The following GALK2 variants were observed in gnomAD, a reference collection of about 807,000 sequenced individuals.
GALK2 encodes galactokinase 2, also known as N-acetylgalactosamine kinase.
In GALK2, 36 loss-of-function variants were observed where a neutral mutation model predicts 52.4. The ratio of observed to expected loss-of-function variants is 0.69; its 90% CI spans 0.53 to 0.91. GALK2 has a LOEUF of 0.91. Among genes scored for constraint, GALK2 ranks in the 40% least tolerant of loss-of-function variants. GALK2 has a pLI of 0.00. For synonymous variants in GALK2, 176 were observed against 199.1 expected, an observed-to-expected ratio of 0.88 and a Z score of 0.98; for missense variants, 579 against 559.1, an observed-to-expected ratio of 1.04 and a Z score of -0.36.
chr15:49,209,027 CT>C (rs2088572038), intron 2 of GALK2, among the ~76,000 whole-genome samples: 1 of 152,138 alleles, frequency 6.6e-6, no homozygotes, highest in Non-Finnish European at 1.5e-5. Context: ...TACCCCTTTA[CT>C]TTAAGTTTAT....
At chr15:49,169,897 AAAAC>A (rs58492114), upstream of GALK2, 242 of 157,978 alleles carry the variant, frequency 1.5e-3, 5 homozygotes, top group South Asian at 0.027. Context: ...CCATAACTAA[AAAAC>A]AAACAAACAA....
At chr15:49,260,318 C>T (rs1348989426) in intron 5 of GALK2, among the ~76,000 whole-genome samples, 12 of 152,006 alleles carry the variant, frequency 7.9e-5, no homozygotes, top group Non-Finnish European at 1.3e-4. Flanking sequence ...GATTTGCATT[C>T]CTCTGATGGC....
At chr15:49,335,410 T>C (rs16962331), downstream of GALK2, 19,145 of 1,569,466 alleles carry the variant, frequency 0.012, 475 homozygotes, top group East Asian at 0.062. Flanking sequence ...TAGTATAGCA[T>C]CAACTTACAT....
intron 3 of GALK2, among the ~76,000 whole-genome samples, chr15:49,361,931 A>T (rs1333440495): frequency 6.6e-6 from 1 of 152,088 alleles, no homozygotes; most frequent in Non-Finnish European, 1.5e-5. Flanking sequence ...TTTCCATAGT[A>T]GCCATTCTAA....
At chr15:49,305,698 G>C (rs2035490037) in intron 8 of GALK2, among the ~76,000 whole-genome samples, 1 of 152,166 alleles carries the variant, frequency 6.6e-6, no homozygotes, top group South Asian at 2.1e-4. Flanking sequence ...AGCCTAAAAA[G>C]GGAAGGGGGA....
intron 2 of GALK2, among the ~76,000 whole-genome samples, chr15:49,213,188 T>C (rs2089070303): frequency 6.6e-6 from 1 of 152,218 alleles, no homozygotes; most frequent in African/African-American, 2.4e-5. Context: ...TGGGTGCACA[T>C]ATATTTACAA....
chr15:49,299,758 T>TCTTTC (rs2034888343), intron 8 of GALK2, among the ~76,000 whole-genome samples: 3 of 141,100 alleles, frequency 2.1e-5, no homozygotes, highest in African/African-American at 8.3e-5. Context: ...TTTCTTTCTT[T>TCTTTC]CTTTCTTTCT....
chr15:49,156,589 G>T, intron 1 of GALK2: 1 of 518,896 alleles, frequency 1.9e-6, no homozygotes, highest in East Asian at 4.9e-5. Flanking sequence ...CACGTCAGGA[G>T]CCAAAGAAAT....
At chr15:49,214,331 A>C (rs1185846055) in intron 2 of GALK2, among the ~76,000 whole-genome samples, 9 of 122,586 alleles carry the variant, frequency 7.3e-5, no homozygotes, top group African/African-American at 2.0e-4. Context: ...TCACTTTGTC[A>C]CTTTTTTTTT....
At chr15:49,327,930 AT>A in intron 9 of GALK2, 21 bp from the exon 10 acceptor site, 13 of 1,595,568 alleles carry the variant, frequency 8.1e-6, no homozygotes, top group South Asian at 1.1e-5. Flanking sequence ...AGGTTCTAAT[AT>A]TTTTTTCCTC....
chr15:49,323,354 G>A (rs1567063606), intron 9 of GALK2, among the ~76,000 whole-genome samples: 1 of 152,148 alleles, frequency 6.6e-6, no homozygotes, highest in Non-Finnish European at 1.5e-5. Flanking sequence ...AACATCAGTA[G>A]GGAAGGTGTG....
chr15:49,367,110 A>G (rs909844965), intron 3 of GALK2, among the ~76,000 whole-genome samples: 4 of 152,248 alleles, frequency 2.6e-5, no homozygotes, highest in African/African-American at 9.6e-5. Context: ...GAAGGCTAGA[A>G]GCCCATGCCT....
chr15:49,356,360 A>G (rs1253030187), intron 3 of GALK2, among the ~76,000 whole-genome samples: 3 of 150,542 alleles, frequency 2.0e-5, no homozygotes, highest in Non-Finnish European at 4.5e-5. Flanking sequence ...AGAGACACAC[A>G]TAGGCTCAAA....
chr15:49,354,957 G>C (rs1160040608), intron 3 of GALK2, among the ~76,000 whole-genome samples: 1 of 151,890 alleles, frequency 6.6e-6, no homozygotes, highest in Non-Finnish European at 1.5e-5. Flanking sequence ...GCCTAACTGG[G>C]AGGCACCCCC....
At chr15:49,186,542 C>CTTT (rs71299506) in intron 1 of GALK2, among the ~76,000 whole-genome samples, 10 of 131,096 alleles carry the variant, frequency 7.6e-5, no homozygotes, top group South Asian at 2.4e-4. Flanking sequence ...GAATTTTTTT[C>CTTT]TTTTTTTTTT....
At chr15:49,250,027 A>G (rs1260682572) in intron 5 of GALK2, among the ~76,000 whole-genome samples, 1 of 152,204 alleles carries the variant, frequency 6.6e-6, no homozygotes, top group Non-Finnish European at 1.5e-5. Context: ...AACCGGACAT[A>G]GCAGTAGGGT....
intron 3 of GALK2, among the ~76,000 whole-genome samples, chr15:49,228,509 G>T (rs2090268171): frequency 6.7e-6 from 1 of 148,914 alleles, no homozygotes; most frequent in Non-Finnish European, 1.5e-5. Context: ...GTTTATTGTT[G>T]AGGCTTTCAA....
At chr15:49,173,384 T>C (rs563533) in intron 1 of GALK2, among the ~76,000 whole-genome samples, 50,441 of 152,094 alleles carry the variant, frequency 0.33, 9,070 homozygotes, top group East Asian at 0.58. Flanking sequence ...GAACACATTC[T>C]TGAGTCTCTA....
At chr15:49,299,718 CTTTCTTTCTTTCTTTCT>C (rs765675085) in intron 8 of GALK2, among the ~76,000 whole-genome samples, 6,247 of 44,240 alleles carry the variant, frequency 0.14, 358 homozygotes, top group South Asian at 0.18. Context: ...TGCTTTCTTT[CTTTCTTTCTTTCTTTCT>C]TTTCTTTCTT....
Sources: allele counts gnomAD v4.1 joint callset (sites outside exome capture counted in the v4.1 genomes callset), GRCh38; gene constraint gnomAD v4.1.1; transcripts MANE v1.5; gene names NCBI Gene and HGNC (gene_info 2026-07-23, HGNC 2026-07-21).